CACNA1A: variants seen among roughly 807,000 people sequenced by gnomAD.
CACNA1A encodes the protein calcium voltage-gated channel subunit alpha1 A.
In CACNA1A, 57 loss-of-function variants were observed where a neutral mutation model predicts 262.4. The ratio of observed to expected loss-of-function variants is 0.22; its 90% CI spans 0.18 to 0.27. The LOEUF (loss-of-function observed/expected upper bound fraction) is 0.27. CACNA1A is among the 10% of genes least tolerant of loss of function. The pLI is 1.00. For synonymous variants in CACNA1A, 1,431 were observed against 1,419.3 expected (o/e 1.01, Z -0.18); for missense variants, 2,526 against 3,562.8 (o/e 0.71, Z 7.41).
At chr19:13,247,159 G>A (rs1426367456) in intron 30 of CACNA1A, among the ~76,000 whole-genome samples, 3 of 152,338 alleles carry the variant, frequency 2.0e-5, no homozygotes, top group African/African-American at 7.2e-5. Flanking sequence ...CGCAGAAGCA[G>A]AGGCCAGGTC....
In CACNA1A at chr19:13,300,661, A is replaced by G; in HGVS notation, c.2173-5T>C. On this transcript the variant is annotated splice_polypyrimidine_tract_variant and splice_region_variant and intron_variant, in intron 17 of 46. Transcript: ENST00000360228. ...TTCTTCTTCCTCTTGCTCGTCCTAA[A>G]AGGCACGTGGAATCTTTGTTCACAA... is the stretch of plus-strand genomic sequence containing the variant. The G allele has an allele frequency of 6.2e-7, 1 of 1,611,778 alleles. No homozygotes were observed. Among genetic ancestry groups the G allele is most frequent in the Non-Finnish European group, 8.5e-7 (1 of 1,177,946 alleles).
rs1568416636 is a variant in CACNA1A at position 13,207,857 on chromosome 19, G to A, written c.6977C>T (p.Ala2326Val). ...GGCCGCCCGGCCCGGCCTGGCCACC[G>A]CCTGCTGCTGCTGCTGCTGCTGCTG... ...QQQQQQQQQQ[A>V]VARPGRAATS... The change falls in exon 47 of 47, where the codon GCG (alanine) becomes GTG (valine). Residue 2326 changes from alanine to valine, a missense_variant. This residue lies in a region of CACNA1A where 929 missense variants were observed against 868.1 expected (regional missense o/e 1.07). Coordinates refer to ENST00000360228, the MANE Select transcript of CACNA1A (RefSeq NM_001127222.2). The surrounding 1 kb of genome is among the most constrained non-coding windows in gnomAD (Gnocchi z 5.7). 8 of 1,417,218 alleles carry A rather than the reference G, an allele frequency of 5.6e-6. No individual in the cohort carries two copies. Among genetic ancestry groups the A allele is most frequent in the Middle Eastern group, 2.5e-4 (1 of 4,062 alleles). The allele number at this position is 1,417,218 out of a possible 1,614,324, so 87.8% of individuals were successfully genotyped here.
At chr19:13,397,892 T>C (rs1403554205) in intron 3 of CACNA1A, among the ~76,000 whole-genome samples, 2 of 152,122 alleles carry the variant, frequency 1.3e-5, no homozygotes, top group Non-Finnish European at 2.9e-5. Flanking sequence ...GGGTTGAAGA[T>C]GAGGAGCTAC....
At chr19:13,224,515 C>A (rs1018822642) in intron 38 of CACNA1A, among the ~76,000 whole-genome samples, 152 bp downstream of exon 38, 1 of 151,336 alleles carries the variant, frequency 6.6e-6, no homozygotes, top group Non-Finnish European at 1.5e-5. Context: ...ACACCAAAAC[C>A]CCAAACCCCA....
At chr19:13,307,115 G>A (rs1399759240) in intron 15 of CACNA1A, among the ~76,000 whole-genome samples, 2 of 151,904 alleles carry the variant, frequency 1.3e-5, no homozygotes, top group African/African-American at 4.8e-5. Context: ...GTATCACCAT[G>A]CCCAGCTAAT....
intron 10 of CACNA1A, among the ~76,000 whole-genome samples, chr19:13,325,190 C>T (rs1274084712): frequency 7.9e-6 from 1 of 126,042 alleles, no homozygotes; most frequent in Non-Finnish European, 1.6e-5. Context: ...TCTTCTTCTT[C>T]TTCTTCTTTT....
chr19:13,384,336 G>A (rs895340088), intron 3 of CACNA1A, among the ~76,000 whole-genome samples: 1 of 152,150 alleles, frequency 6.6e-6, no homozygotes, highest in Non-Finnish European at 1.5e-5. Context: ...GTCCCCAGTG[G>A]AGAGGGAGAA....
At chr19:13,306,204 T>A (rs1027009688) in intron 15 of CACNA1A, among the ~76,000 whole-genome samples, 2 of 152,076 alleles carry the variant, frequency 1.3e-5, no homozygotes, top group Non-Finnish European at 2.9e-5. Context: ...CTATACACTC[T>A]CAGTCCCTCA....
rs534128138 is a variant in CACNA1A, at chr19:13,311,786, G to A, written c.1668+883C>T. Among the ~76,000 whole-genome samples, 51 of 152,040 alleles carry A rather than the reference G, an allele frequency of 3.4e-4. 1 individual carries two copies. The South Asian group carries it at 5.2e-3, about 15-fold the overall frequency. ...TGGGAGGCGGAGCTTGCAGTGAGCCGAGATGGCGCCACCGCACTCCAGCCT... is the reference window on the plus strand; with the variant it reads ...TGGGAGGCGGAGCTTGCAGTGAGCCAAGATGGCGCCACCGCACTCCAGCCT... On this transcript the variant is annotated intron_variant, in intron 12 of 46. Transcript: ENST00000360228.
At chr19:13,303,705 C>T in intron 16 of CACNA1A, 62 bp downstream of exon 16, 1 of 1,562,494 alleles carries the variant, frequency 6.4e-7, no homozygotes. Flanking sequence ...CCTTGAGCCC[C>T]TGCAACCTCT....
chr19:13,208,805 C>G lies in CACNA1A; in HGVS notation c.6731G>C (p.Arg2244Pro). Residue 2244 changes from arginine (R) to proline (P), a missense_variant, in exon 46 of 47, where the codon CGC (arginine) becomes CCC (proline). Physicochemically the swap from Arg to Pro is moderately radical, Grantham distance 103 (BLOSUM62 -2). Coordinates refer to ENST00000360228, the MANE Select transcript of CACNA1A (RefSeq NM_001127222.2). ...DHGRARARDQ[R>P]WSRSPSEGRE... ...GCCCTCGCTGGGCGAGCGGGACCAGCGCTGGTCCCGAGCCCGTGCCCGGCC... is the reference window on the plus strand; with the variant it reads ...GCCCTCGCTGGGCGAGCGGGACCAGGGCTGGTCCCGAGCCCGTGCCCGGCC... The G allele has an allele frequency of 1.3e-6, 2 of 1,543,182 alleles. No individual in the cohort carries two copies. Among genetic ancestry groups the G allele is most frequent in the East Asian group, 2.4e-5 (1 of 41,042 alleles).
chr19:13,298,690 C>A lies in CACNA1A; in HGVS notation c.2943G>T (p.Glu981Asp). The A allele has an allele frequency of 6.9e-7, 1 of 1,456,018 alleles. No individual in the cohort carries two copies. Among genetic ancestry groups the A allele is most frequent in the South Asian group, 1.4e-5 (1 of 71,406 alleles). The allele number at this position is 1,456,018 out of a possible 1,614,324, so 90.2% of individuals were successfully genotyped here. The change falls in exon 19 of 47, where the codon GAG (glutamate) becomes GAT (aspartate). Residue 981 changes from glutamate (E) to aspartate (D), a missense_variant. Glu to Asp is a conservative substitution (Grantham distance 45). Around this residue, in one of 17 missense-constraint regions of CACNA1A, gnomAD observed 765 missense variants for 748.6 expected, o/e 1.02. Transcript: ENST00000360228. Reference sequence around the variant, plus strand: ...CGCCGCCCCGGGCCGGCCGGCTGCCCTCGCGGTGCCGCGCCCTCCGCTCCG... The same window carrying A: ...CGCCGCCCCGGGCCGGCCGGCTGCCATCGCGGTGCCGCGCCCTCCGCTCCG... ...DKAERRARHR[E>D]GSRPARGGEG...
At chr19:13,380,645 CAAAAAAAAAAAAA>C (rs370031243) in intron 3 of CACNA1A, among the ~76,000 whole-genome samples, 1 of 55,202 alleles carries the variant, frequency 1.8e-5, no homozygotes, top group African/African-American at 7.2e-5. Context: ...GACTCTGTCT[CAAAAAAAAAAAAA>C]AAAAAAAAAA....
At position 13,452,875 on chromosome 19, in the gene CACNA1A, C is replaced by T; in HGVS notation, c.539+1G>A. On this transcript the variant is annotated splice_donor_variant, in intron 3 of 46. Coordinates refer to ENST00000360228, the MANE Select transcript of CACNA1A (RefSeq NM_001127222.2). LOFTEE classifies it high-confidence loss of function. ...CAAAGCGTATAGCACGCGCCACTTA[C>T]CCCGTTAGCACCACCACAAAGTCCA... 6.2e-7 allele frequency: 1 copy of T among 1,613,542 alleles called. No individual in the cohort carries two copies. The highest frequency in any genetic ancestry group is 2.2e-5 in the East Asian group (1 of 44,888).
At chr19:13,380,152 C>T (rs1401911707) in intron 3 of CACNA1A, among the ~76,000 whole-genome samples, 1 of 125,674 alleles carries the variant, frequency 8.0e-6, no homozygotes, top group Non-Finnish European at 1.6e-5. Flanking sequence ...GGCGTGGTGG[C>T]GGGTGTCTGT....
At chr19:13,486,140 G>A (rs142627257) in intron 1 of CACNA1A, among the ~76,000 whole-genome samples, 5 of 152,298 alleles carry the variant, frequency 3.3e-5, no homozygotes, top group African/African-American at 4.8e-5. Context: ...TTCAGGATGC[G>A]TACTTAGGTG....
intron 3 of CACNA1A, among the ~76,000 whole-genome samples, chr19:13,431,873 G>A (rs1014588289): frequency 6.6e-5 from 10 of 151,998 alleles, no homozygotes; most frequent in African/African-American, 1.2e-4. Flanking sequence ...TTGGAAGCCC[G>A]AGGCAGGCAG....
intron 3 of CACNA1A, among the ~76,000 whole-genome samples, chr19:13,438,165 T>C (rs1287352990): frequency 3.9e-5 from 6 of 152,234 alleles, no homozygotes; most frequent in African/African-American, 1.4e-4. Flanking sequence ...TCATCTACAT[T>C]GATTGCTGAG....
intron 4 of CACNA1A, among the ~76,000 whole-genome samples, chr19:13,369,342 C>A (rs907864617): frequency 1.3e-5 from 2 of 152,178 alleles, no homozygotes; most frequent in African/African-American, 4.8e-5. Flanking sequence ...TGGAGGACAA[C>A]TCTGGTGTCA....
Sources: allele counts gnomAD v4.1 joint callset (sites outside exome capture counted in the v4.1 genomes callset), GRCh38; gene constraint gnomAD v4.1.1; regional missense constraint gnomAD v4.1.1; non-coding constraint Gnocchi (gnomAD v3.1); transcripts MANE v1.5; gene names NCBI Gene and HGNC (gene_info 2026-07-23, HGNC 2026-07-21).